MTMR3: variants seen among roughly 807,000 people sequenced by gnomAD.
MTMR3 encodes phosphatidylinositol-3,5-bisphosphate 3-phosphatase MTMR3.
MTMR3 carries 32 observed loss-of-function variants against 132.4 expected under a neutral mutation model. The observed-to-expected ratio is 0.24, with a 90% CI of 0.18 to 0.32. MTMR3 has a LOEUF of 0.32. MTMR3 is among the 10% of genes least tolerant of loss of function. MTMR3 has a pLI of 1.00. For synonymous variants in MTMR3, 556 were observed against 550.3 expected (o/e 1.01, Z -0.14); for missense variants, 1,216 against 1,489.6 (o/e 0.82, Z 3.02).
chr22:29,968,307 A>C (rs2066469576), intron 2 of MTMR3, among the ~76,000 whole-genome samples: 1 of 152,204 alleles, frequency 6.6e-6, no homozygotes, highest in Non-Finnish European at 1.5e-5. Context: ...AAATGCATTA[A>C]ATTCACTTCC....
At chr22:29,977,515 GA>G (rs1281701109) in intron 3 of MTMR3, among the ~76,000 whole-genome samples, 1 of 152,206 alleles carries the variant, frequency 6.6e-6, no homozygotes, top group East Asian at 1.9e-4. Context: ...CAGAGTAAAT[GA>G]AGGATAGTCT....
intron 5 of MTMR3, chr22:29,986,593 G>A (rs1021501821): frequency 8.1e-6 from 8 of 983,842 alleles, no homozygotes; most frequent in African/African-American, 3.5e-5. Context: ...GGTTAAGGAC[G>A]TAAATAAAAA....
At chr22:29,895,270 T>G (rs2064872232) in intron 1 of MTMR3, among the ~76,000 whole-genome samples, 4 of 152,096 alleles carry the variant, frequency 2.6e-5, no homozygotes, top group Admixed American at 2.6e-4. Context: ...GGGTGCAAAA[T>G]TAATTGTGGT....
In MTMR3 at chr22:30,020,367, C is replaced by T; in HGVS notation, c.2708C>T (p.Ser903Phe). Residue 903 changes from serine to phenylalanine, a missense_variant, in exon 17 of 20, where the codon TCC becomes TTC. This residue lies in a region of MTMR3 where 852 missense variants were observed against 852.0 expected (regional missense o/e 1.00). Coordinates refer to ENST00000401950, the MANE Select transcript of MTMR3 (RefSeq NM_021090.4). ...GTGGGGTCTGTGGTGCATAGGACTT[C>T]CCTTGGCAGCACTCTCAGCCTGACA... ...PQVGSVVHRT[S>F]LGSTLSLTRS... 6.2e-7 allele frequency: 1 copy of T among 1,614,176 alleles called. No homozygotes were observed. Among genetic ancestry groups the T allele is most frequent in the South Asian group, 1.1e-5 (1 of 91,078 alleles).
chr22:29,939,924 T>C (rs759956910), intron 1 of MTMR3, among the ~76,000 whole-genome samples: 12 of 152,166 alleles, frequency 7.9e-5, no homozygotes, highest in Non-Finnish European at 1.8e-4. Flanking sequence ...AACTGATCAA[T>C]TGACCTTATG....
At chr22:29,894,036 G>T (rs2064847045) in intron 1 of MTMR3, among the ~76,000 whole-genome samples, 1 of 152,018 alleles carries the variant, frequency 6.6e-6, no homozygotes, top group South Asian at 2.1e-4. Context: ...TTAGAGATGG[G>T]ATTTCGCCAT....
intron 1 of MTMR3, among the ~76,000 whole-genome samples, chr22:29,937,994 G>C (rs2065783507): frequency 6.6e-6 from 1 of 152,166 alleles, no homozygotes; most frequent in Non-Finnish European, 1.5e-5. Flanking sequence ...TATTGAAATA[G>C]CTGCATAAAC....
intron 1 of MTMR3, among the ~76,000 whole-genome samples, chr22:29,896,641 T>C (rs867533553): frequency 6.6e-6 from 1 of 152,082 alleles, no homozygotes; most frequent in Non-Finnish European, 1.5e-5. Context: ...GCTTTTTGTC[T>C]AACATAATTT....
At chr22:30,019,306 T>C in intron 16 of MTMR3, 174 bp from the exon 17 acceptor site, 1 of 627,800 alleles carries the variant, frequency 1.6e-6, no homozygotes, top group Non-Finnish European at 2.7e-6. Flanking sequence ...TAGGAGGACT[T>C]GTTCCGGAGC....
chr22:30,017,905 C>T (rs2067639126), intron 15 of MTMR3, 22 bp from the exon 16 acceptor site: 1 of 1,612,070 alleles, frequency 6.2e-7, no homozygotes, highest in African/African-American at 1.3e-5. Context: ...ATATTTAAAC[C>T]TGTGTCCTCC....
chr22:29,977,062 G>A lies in MTMR3; in HGVS notation c.4-1380G>A, dbSNP rs529502252. Among the ~76,000 whole-genome samples the A allele has an allele frequency of 2.6e-5, 4 of 152,212 alleles. No individual in the cohort carries two copies. The South Asian group carries it at 8.3e-4, about 32-fold the overall frequency. On this transcript the variant is annotated intron_variant, in intron 3 of 19. Coordinates refer to ENST00000401950, the MANE Select transcript of MTMR3 (RefSeq NM_021090.4). Reference sequence around the variant, plus strand: ...TCCCAGAACTTTGGGAGGCTAAGGTGGGAGGATTACTTGAGCCCAGGAGTT... The same window carrying A: ...TCCCAGAACTTTGGGAGGCTAAGGTAGGAGGATTACTTGAGCCCAGGAGTT...
chr22:29,898,438 T>TG (rs2145720786), intron 1 of MTMR3, among the ~76,000 whole-genome samples: 1 of 152,220 alleles, frequency 6.6e-6, no homozygotes, highest in African/African-American at 2.4e-5. Context: ...GGTAGGTCTC[T>TG]GTCCCTCAGG....
At chr22:29,983,814 A>AT (rs1409712847) in intron 5 of MTMR3, 3 of 151,732 alleles carry the variant, frequency 2.0e-5, no homozygotes, top group Non-Finnish European at 4.4e-5. Flanking sequence ...ATTTAATTTT[A>AT]TTTTTTGTAG....
chr22:29,971,149 C>T (rs2066526872), intron 3 of MTMR3, 87 bp downstream of exon 3: 3 of 1,380,028 alleles, frequency 2.2e-6, no homozygotes, highest in Admixed American at 4.8e-5. Flanking sequence ...TCATACTTAC[C>T]CATTTTTGTT....
intron 1 of MTMR3, among the ~76,000 whole-genome samples, chr22:29,912,356 C>T (rs1480469872): frequency 1.3e-5 from 2 of 152,164 alleles, no homozygotes; most frequent in Non-Finnish European, 2.9e-5. Flanking sequence ...GTGGCATGAT[C>T]ATAGCACACT....
Position 29,895,951 on chromosome 22 carries a change from C to CG in MTMR3, c.-138+12592_-138+12593insG, listed in dbSNP as rs569762662. ...CGTCGTTACGTAGAATAAGAGAAGACAACATTTCAAATCGACAATTTTTAA... is the reference window on the plus strand; with the variant it reads ...CGTCGTTACGTAGAATAAGAGAAGACGAACATTTCAAATCGACAATTTTTAA... On this transcript the variant is annotated intron_variant, in intron 1 of 19. Transcript: ENST00000401950. Among the ~76,000 whole-genome samples the CG allele has an allele frequency of 4.3e-4, 66 of 152,314 alleles. 1 individual carries two copies. The Middle Eastern group carries it at 0.01, about 24-fold the overall frequency.
At chr22:29,966,045 A>G (rs1220184154) in intron 2 of MTMR3, among the ~76,000 whole-genome samples, 2 of 152,234 alleles carry the variant, frequency 1.3e-5, no homozygotes, top group Non-Finnish European at 2.9e-5. Flanking sequence ...TCAAATATAT[A>G]AAAGTAGAGA....
At position 29,949,133 on chromosome 22, in the gene MTMR3, ACACACACACACCCCCCCCC is replaced by A. The variant is rs1478869745; in HGVS notation, c.-137-7901_-137-7883del. On this transcript the variant is annotated intron_variant, in intron 1 of 19. Transcript: ENST00000401950. ...CACACACACACACACACACACACAC[ACACACACACACCCCCCCCC>A]CCCCCCCCGAGGCCCTGTCTTAAAA... 2.9e-3 allele frequency among the ~76,000 whole-genome samples: 96 copies of A among 32,808 alleles called. 4 individuals carry two copies. Among genetic ancestry groups the A allele is most frequent in the Non-Finnish European group, 3.9e-3 (73 of 18,626 alleles). 21.5% of individuals were successfully genotyped at this position (32,808 alleles called of 152,430 possible).
chr22:30,019,640 C>T lies in MTMR3; in HGVS notation c.1981C>T (p.Leu661Phe). 6.2e-7 allele frequency: 1 copy of T among 1,614,218 alleles called. No homozygotes were observed. Among genetic ancestry groups the T allele is most frequent in the Non-Finnish European group, 8.5e-7 (1 of 1,180,036 alleles). The part of the protein sequence containing the change: ...SSLAGPGEDP[L>F]SADSLGKPTR... ...CCTGGCTGGCCCTGGAGAGGATCCCCTTTCTGCCGACAGCCTAGGGAAGCC... is the reference window on the plus strand; with the variant it reads ...CCTGGCTGGCCCTGGAGAGGATCCCTTTTCTGCCGACAGCCTAGGGAAGCC... The change falls in exon 17 of 20, where the codon CTT becomes TTT. Residue 661 changes from leucine (L) to phenylalanine (F), a missense_variant. Around this residue, in one of 7 missense-constraint regions of MTMR3, gnomAD observed 852 missense variants for 852.0 expected, o/e 1.00. Coordinates refer to ENST00000401950, the MANE Select transcript of MTMR3 (RefSeq NM_021090.4).
Sources: gnomAD v4.1 joint callset for allele counts (sites outside exome capture counted in the v4.1 genomes callset) on GRCh38, gnomAD v4.1.1 for gene constraint, gnomAD v4.1.1 regional missense constraint, MANE v1.5 for transcripts, NCBI Gene and HGNC (gene_info 2026-07-23, HGNC 2026-07-21) for gene names.